ANKRD12: variants seen among roughly 807,000 people sequenced by gnomAD.
The protein encoded by ANKRD12 is ankyrin repeat domain-containing protein 12.
A neutral mutation model predicts 183.4 loss-of-function variants in ANKRD12; 85 were observed. That is an observed-to-expected ratio of 0.46 (90% CI 0.39 to 0.56). ANKRD12 has a LOEUF of 0.56. ANKRD12 is among the 20% of genes least tolerant of loss of function. The pLI, the probability that ANKRD12 is intolerant of heterozygous loss-of-function variation, is 0.00. For synonymous variants in ANKRD12, 914 were observed against 800.2 expected, an observed-to-expected ratio of 1.14 and a Z score of -2.40; for missense variants, 2,405 against 2,357.1, an observed-to-expected ratio of 1.02 and a Z score of -0.42.
chr18:9,201,173 A>G (rs913698960), intron 3 of ANKRD12, among the ~76,000 whole-genome samples: 1 of 152,226 alleles, frequency 6.6e-6, no homozygotes, highest in South Asian at 2.1e-4. Flanking sequence ...AATATTGTAT[A>G]GGTATCGTAT....
At chr18:9,190,501 A>G (rs545188683) in intron 2 of ANKRD12, among the ~76,000 whole-genome samples, 2 of 152,244 alleles carry the variant, frequency 1.3e-5, no homozygotes, top group Non-Finnish European at 2.9e-5. Flanking sequence ...GTTAAATAAG[A>G]TTGACTCCAA....
At chr18:9,224,646 A>G (rs1486766068) in intron 8 of ANKRD12, among the ~76,000 whole-genome samples, 1 of 152,182 alleles carries the variant, frequency 6.6e-6, no homozygotes, top group East Asian at 1.9e-4. Flanking sequence ...CAATTTGTTA[A>G]TAAGTGTGAA....
intron 6 of ANKRD12, among the ~76,000 whole-genome samples, chr18:9,213,592 A>C (rs1162745988): frequency 6.6e-6 from 1 of 151,952 alleles, no homozygotes; most frequent in Non-Finnish European, 1.5e-5. Flanking sequence ...TTTTCACTTT[A>C]GTAAGTAGAG....
intron 7 of ANKRD12, among the ~76,000 whole-genome samples, chr18:9,217,949 A>T (rs968053358): frequency 6.6e-6 from 1 of 152,144 alleles, no homozygotes; most frequent in African/African-American, 2.4e-5. Context: ...AATGACAAAA[A>T]CTTAATCCAT....
Position 9,258,485 on chromosome 18 carries a change from G to A in ANKRD12, c.5218G>A (p.Ala1740Thr). 1 of 1,613,684 alleles carries A rather than the reference G, an allele frequency of 6.2e-7. No homozygotes were observed. Among genetic ancestry groups the A allele is most frequent in the Non-Finnish European group, 8.5e-7 (1 of 1,179,920 alleles). The stretch of plus-strand genomic sequence containing the variant: ...CCCTCAAAGAATGACTAGAAACAAA[G>A]CAAATACAATGGCAAATCAAAGCAA... ...QIPQRMTRNK[A>T]NTMANQSKQI... Residue 1740 changes from alanine (A) to threonine (T), a missense_variant, in exon 9 of 13, where the codon GCA (alanine) becomes ACA (threonine). Physicochemically the swap from Ala to Thr is moderately conservative, Grantham distance 58 (BLOSUM62 0). This residue lies in a region of ANKRD12 where 1,983 missense variants were observed against 1,725.9 expected (regional missense o/e 1.15). Transcript: ENST00000262126.
chr18:9,196,505 C>A (rs2034833616), intron 3 of ANKRD12, among the ~76,000 whole-genome samples: 1 of 152,138 alleles, frequency 6.6e-6, no homozygotes, highest in Non-Finnish European at 1.5e-5. Flanking sequence ...AGAAAGTATT[C>A]CATTCTGAGT....
chr18:9,144,520 A>G (rs1291040892), intron 1 of ANKRD12, among the ~76,000 whole-genome samples: 3 of 152,244 alleles, frequency 2.0e-5, no homozygotes, highest in Admixed American at 2.0e-4. Context: ...GGAGTAGCAG[A>G]AAACAGAATC....
At chr18:9,224,097 G>C (rs1367061408) in intron 8 of ANKRD12, among the ~76,000 whole-genome samples, 1 of 152,146 alleles carries the variant, frequency 6.6e-6, no homozygotes, top group Non-Finnish European at 1.5e-5. Flanking sequence ...TTTCTGACAA[G>C]ATTAACTAGA....
At chr18:9,143,329 G>A (rs2078384043) in intron 1 of ANKRD12, among the ~76,000 whole-genome samples, 1 of 152,138 alleles carries the variant, frequency 6.6e-6, no homozygotes. Flanking sequence ...ATTTTTTCTT[G>A]ATTAAGATCA....
rs369922839 is a variant in ANKRD12, at chr18:9,139,320, C to T, written c.-52+2355C>T. ...AAGGAAGATGCTTTTATCAAGCTGT[C>T]GATATTACTTTTTCCCCTATAGAAG... On this transcript the variant is annotated intron_variant, in intron 1 of 12. Coordinates refer to ENST00000262126, the MANE Select transcript of ANKRD12 (RefSeq NM_015208.5). Among the ~76,000 whole-genome samples the T allele has an allele frequency of 3.3e-5, 5 of 152,108 alleles. No individual in the cohort carries two copies. In the East Asian group the frequency reaches 5.8e-4, roughly 18 times the overall value.
intron 2 of ANKRD12, among the ~76,000 whole-genome samples, chr18:9,185,493 T>G (rs555821630): frequency 6.6e-6 from 1 of 152,346 alleles, no homozygotes; most frequent in Non-Finnish European, 1.5e-5. Flanking sequence ...AAGAACAGGT[T>G]GTTTTGAATA....
At position 9,257,264 on chromosome 18, in the gene ANKRD12, G is replaced by T; in HGVS notation, c.3997G>T (p.Gly1333Cys). The T allele has an allele frequency of 6.2e-7, 1 of 1,614,112 alleles. No homozygotes were observed. Among genetic ancestry groups the T allele is most frequent in the Non-Finnish European group, 8.5e-7 (1 of 1,179,996 alleles). Residue 1333 changes from glycine (G) to cysteine (C), a missense_variant, in exon 9 of 13, where the codon GGT (glycine) becomes TGT (cysteine). Transcript: ENST00000262126. ...AACAATATCAGAAGAGAGCAATCAA[G>T]GTAGCTTATTAACTGTGCCAGGAGA... is the stretch of plus-strand genomic sequence containing the variant. ...FQTISEESNQ[G>C]SLLTVPGDTS... is the part of the protein sequence containing the mutation.
chr18:9,249,020 C>G (rs1266940549), intron 8 of ANKRD12, among the ~76,000 whole-genome samples: 1 of 152,170 alleles, frequency 6.6e-6, no homozygotes, highest in Non-Finnish European at 1.5e-5. Flanking sequence ...CCATAAGCAC[C>G]CCCACTTAAT....
In ANKRD12 at chr18:9,284,772, A is replaced by ATT. The variant is rs2040185211; in HGVS notation, c.*3647_*3648insTT. On this transcript the variant is annotated 3_prime_UTR_variant, in exon 13 of 13. Coordinates refer to ENST00000262126, the MANE Select transcript of ANKRD12 (RefSeq NM_015208.5). ...AATTAAAACAATTCCATTAATCAAA[A>ATT]TGGCTTTAAACAAATTAAGTATTAG... is the stretch of plus-strand genomic sequence containing the variant. 6.6e-6 allele frequency: 1 copy of ATT among 152,204 alleles called. No homozygotes were observed. Among genetic ancestry groups the ATT allele is most frequent in the South Asian group, 2.1e-4 (1 of 4,836 alleles). The allele number at this position is 152,204 out of a possible 1,614,324, so 9.4% of individuals were successfully genotyped here.
rs1354119291 is a variant in ANKRD12, at chr18:9,256,024, G to A, written c.2757G>A (p.Glu919=). The A allele has an allele frequency of 1.3e-6, 2 of 1,559,104 alleles. No individual in the cohort carries two copies. The highest frequency in any genetic ancestry group is 2.3e-5 in the East Asian group (1 of 43,712). The change falls in exon 9 of 13, where the codon GAG becomes GAA. Residue 919 remains glutamate, a synonymous_variant. Coordinates refer to ENST00000262126, the MANE Select transcript of ANKRD12 (RefSeq NM_015208.5). ...RKHDKEKPEK[E]RHLAESKEKH... is the part of the protein sequence containing the mutation. ...ATGACAAAGAAAAGCCTGAAAAAGA[G>A]AGGCATCTAGCAGAAAGCAAAGAAA...
chr18:9,192,236 G>A (rs991201501), intron 2 of ANKRD12, among the ~76,000 whole-genome samples: 4 of 152,160 alleles, frequency 2.6e-5, no homozygotes, highest in African/African-American at 9.7e-5. Context: ...AAAATAGCTC[G>A]AGGATGTTAG....
Position 9,258,184 on chromosome 18 carries a change from T to G in ANKRD12, c.4917T>G (p.Ser1639Arg), listed in dbSNP as rs150572039. 1.2e-4 allele frequency: 189 copies of G among 1,613,504 alleles called. No individual in the cohort carries two copies. The highest frequency in any genetic ancestry group is 9.1e-4 in the East Asian group (41 of 44,854). Residue 1639 changes from serine (S) to arginine (R), a missense_variant, in exon 9 of 13, where the codon AGT becomes AGG. Physicochemically the swap from Ser to Arg is moderately radical, Grantham distance 110. Around this residue, in one of 7 missense-constraint regions of ANKRD12, gnomAD observed 1,983 missense variants for 1,725.9 expected, o/e 1.15. Coordinates refer to ENST00000262126, the MANE Select transcript of ANKRD12 (RefSeq NM_015208.5). ...ATGAAAAAGAAAACAAACTGGAGAGTTTGGTTTTAACTCATTTGAGTAGGT... is the reference window on the plus strand; with the variant it reads ...ATGAAAAAGAAAACAAACTGGAGAGGTTGGTTTTAACTCATTTGAGTAGGT... Reference protein sequence around the residue: ...ISHEKENKLESLVLTHLSRCD... With the variant: ...ISHEKENKLERLVLTHLSRCD...
At chr18:9,168,882 C>A (rs2032376525) in intron 1 of ANKRD12, among the ~76,000 whole-genome samples, 1 of 152,040 alleles carries the variant, frequency 6.6e-6, no homozygotes, top group East Asian at 1.9e-4. Context: ...CCTCTACACA[C>A]TGCTTTGAAT....
intron 1 of ANKRD12, among the ~76,000 whole-genome samples, chr18:9,140,592 C>T (rs1375019958): frequency 6.6e-6 from 1 of 152,174 alleles, no homozygotes; most frequent in African/African-American, 2.4e-5. Flanking sequence ...ATTTATTTGA[C>T]TCTTGCTAGT....
Sources: gnomAD v4.1 joint callset for allele counts (sites outside exome capture counted in the v4.1 genomes callset) on GRCh38, gnomAD v4.1.1 for gene constraint, gnomAD v4.1.1 regional missense constraint, MANE v1.5 for transcripts, NCBI Gene and HGNC (gene_info 2026-07-23, HGNC 2026-07-21) for gene names.